FRMD4A: variants seen among roughly 807,000 people sequenced by gnomAD.
The protein encoded by FRMD4A is FERM domain-containing protein 4A.
A neutral mutation model predicts 129.1 loss-of-function variants in FRMD4A; 29 were observed. The ratio of observed to expected loss-of-function variants is 0.22; its 90% confidence interval spans 0.17 to 0.31. The LOEUF (loss-of-function observed/expected upper bound fraction) is 0.31, where lower values mean the gene tolerates loss of function less well. Ranked by LOEUF, FRMD4A falls within the 10% of genes least tolerant of loss-of-function variation. FRMD4A has a pLI of 1.00. For synonymous variants in FRMD4A, 634 were observed against 571.6 expected (o/e 1.11, Z -1.56); for missense variants, 1,272 against 1,375.8 (o/e 0.92, Z 1.19).
In FRMD4A at chr10:13,656,724, G is replaced by A; in HGVS notation, c.2865C>T (p.Ser955=). ...GGGAGGAGGTGCTGTACTGCGAGCCGCTGTCCGAGGAGGTGGAGCTGGTGT... is the reference window on the plus strand; with the variant it reads ...GGGAGGAGGTGCTGTACTGCGAGCCACTGTCCGAGGAGGTGGAGCTGGTGT... ...LSHTSSTSSD[S]GSQYSTSSQS... Residue 955 remains serine (S), a synonymous_variant, in exon 22 of 25, where the codon AGC becomes AGT. Transcript: ENST00000357447. The A allele has an allele frequency of 1.3e-6, 2 of 1,589,506 alleles. No individual in the cohort carries two copies. The highest frequency in any genetic ancestry group is 1.7e-6 in the Non-Finnish European group (2 of 1,169,224).
At chr10:14,095,386 T>G (rs1836896646) in intron 2 of FRMD4A, among the ~76,000 whole-genome samples, 1 of 152,220 alleles carries the variant, frequency 6.6e-6, no homozygotes, top group Non-Finnish European at 1.5e-5. Context: ...ATTGCAAAAA[T>G]GGCACTGTCA....
At position 14,285,828 on chromosome 10, in the gene FRMD4A, A is replaced by T. The variant is rs76343550; in HGVS notation, c.45+44230T>A. ...CAGGGATCACTGCCAGCTGACTGGC[A>T]ATCAATATATCACGTTCTCAATTTG... On this transcript the variant is annotated intron_variant, in intron 2 of 24. Transcript: ENST00000357447. Among the ~76,000 whole-genome samples the T allele has an allele frequency of 1.9e-3, 295 of 152,386 alleles. 4 individuals carry two copies. The highest frequency in any genetic ancestry group is 6.3e-3 in the African/African-American group (261 of 41,596).
At chr10:13,906,166 T>A (rs111919332) in intron 2 of FRMD4A, among the ~76,000 whole-genome samples, 2,686 of 152,352 alleles carry the variant, frequency 0.018, 88 homozygotes, top group African/African-American at 0.061. Context: ...GTAACCCTCA[T>A]GGCAATCACA....
At chr10:14,304,919 T>A (rs546553047) in intron 2 of FRMD4A, among the ~76,000 whole-genome samples, 1 of 152,306 alleles carries the variant, frequency 6.6e-6, no homozygotes, top group African/African-American at 2.4e-5. Context: ...CCCACAGTGG[T>A]CTGAATGTGT....
At chr10:14,091,357 G>T (rs535571065) in intron 2 of FRMD4A, among the ~76,000 whole-genome samples, 1 of 151,960 alleles carries the variant, frequency 6.6e-6, no homozygotes, top group African/African-American at 2.4e-5. Flanking sequence ...AAAAAATTGC[G>T]CTGTGTGTAT....
chr10:13,967,639 C>T (rs977387973), intron 2 of FRMD4A, among the ~76,000 whole-genome samples: 7 of 152,236 alleles, frequency 4.6e-5, no homozygotes, highest in African/African-American at 1.7e-4. Flanking sequence ...TGAGTCAGTC[C>T]TCATGGTCGT....
At chr10:13,699,737 G>A (rs930865867) in intron 14 of FRMD4A, among the ~76,000 whole-genome samples, 2 of 152,128 alleles carry the variant, frequency 1.3e-5, no homozygotes, top group Non-Finnish European at 2.9e-5. Flanking sequence ...TGAAATTAAC[G>A]TTCTCAGGTG....
chr10:14,329,304 G>C (rs1273203554), intron 2 of FRMD4A, among the ~76,000 whole-genome samples: 1 of 152,236 alleles, frequency 6.6e-6, no homozygotes, highest in South Asian at 2.1e-4. Context: ...GGAAAGGAGA[G>C]AGATGCAAAA....
At chr10:13,650,483 C>G (rs2081480484) in intron 24 of FRMD4A, among the ~76,000 whole-genome samples, 1 of 152,222 alleles carries the variant, frequency 6.6e-6, no homozygotes, top group East Asian at 1.9e-4. Context: ...CACCGCAGCT[C>G]TTTCAAACCT....
At chr10:13,878,120 T>C (rs2094507188) in intron 2 of FRMD4A, among the ~76,000 whole-genome samples, 2 of 151,650 alleles carry the variant, frequency 1.3e-5, no homozygotes, top group Non-Finnish European at 1.5e-5. Flanking sequence ...GAAATAAAGA[T>C]GTTATGTTGT....
At chr10:14,050,505 G>A (rs1475793529) in intron 2 of FRMD4A, among the ~76,000 whole-genome samples, 1 of 152,156 alleles carries the variant, frequency 6.6e-6, no homozygotes, top group Non-Finnish European at 1.5e-5. Flanking sequence ...CAGGGCTCCT[G>A]TCTTCTGTAT....
chr10:13,798,982 A>G (rs890254887), intron 4 of FRMD4A, among the ~76,000 whole-genome samples: 3 of 152,034 alleles, frequency 2.0e-5, no homozygotes, highest in African/African-American at 7.2e-5. Context: ...CCCATCCCGC[A>G]GGACTCAGCT....
chr10:14,089,442 C>T (rs1215977293), intron 2 of FRMD4A, among the ~76,000 whole-genome samples: 1 of 152,048 alleles, frequency 6.6e-6, no homozygotes. Context: ...GAAAACAAAG[C>T]CCTCTCCCCC....
At chr10:13,704,217 T>G (rs974007535) in intron 13 of FRMD4A, among the ~76,000 whole-genome samples, 1 of 152,220 alleles carries the variant, frequency 6.6e-6, no homozygotes, top group Non-Finnish European at 1.5e-5. Flanking sequence ...CTCATAGCTC[T>G]GGCTCTGCCA....
chr10:14,029,981 A>G (rs946673587), intron 2 of FRMD4A, among the ~76,000 whole-genome samples: 2 of 152,248 alleles, frequency 1.3e-5, no homozygotes, highest in African/African-American at 4.8e-5. Flanking sequence ...ATATTACGCT[A>G]AGTGAAAAAT....
chr10:14,172,887 T>C (rs1349319843), intron 2 of FRMD4A, among the ~76,000 whole-genome samples: 2 of 152,222 alleles, frequency 1.3e-5, no homozygotes, highest in Non-Finnish European at 2.9e-5. Flanking sequence ...CACTTGAGGC[T>C]ATCCTTCTAA....
At chr10:13,835,158 C>T (rs7899833) in intron 3 of FRMD4A, among the ~76,000 whole-genome samples, 66,991 of 151,988 alleles carry the variant, frequency 0.44, 14,959 homozygotes, top group East Asian at 0.55. Context: ...TGATGGCCGC[C>T]GAACTTGGCT....
chr10:13,995,333 C>T (rs752216017), intron 2 of FRMD4A, among the ~76,000 whole-genome samples: 7 of 152,192 alleles, frequency 4.6e-5, no homozygotes, highest in Non-Finnish European at 1.0e-4. Flanking sequence ...CCTGTAATCC[C>T]AGCACTTTGG....
chr10:13,736,539 C>T (rs2090639116), intron 12 of FRMD4A, among the ~76,000 whole-genome samples: 2 of 152,216 alleles, frequency 1.3e-5, no homozygotes, highest in Admixed American at 6.5e-5. Flanking sequence ...CCTTACTGAT[C>T]AATGGAGTAA....
Sources: gnomAD v4.1 joint callset for allele counts (sites outside exome capture counted in the v4.1 genomes callset) on GRCh38, gnomAD v4.1.1 for gene constraint, MANE v1.5 for transcripts, NCBI Gene and HGNC (gene_info 2026-07-23, HGNC 2026-07-21) for gene names.